The following COLEC10 variants were observed in gnomAD, a reference collection of about 807,000 sequenced individuals.
COLEC10 encodes the protein collectin-10.
Under a neutral mutation model 28.4 loss-of-function variants are expected in COLEC10, and 22 were observed. The observed-to-expected ratio is 0.78, with a 90% confidence interval of 0.55 to 1.11. The LOEUF (loss-of-function observed/expected upper bound fraction) is 1.11, where lower values mean the gene tolerates loss of function less well. Among genes scored for constraint, COLEC10 ranks in the 50% least tolerant of loss-of-function variants. The probability of loss-of-function intolerance (pLI) is 0.00; values close to 1 mark genes in which losing one functional copy is unlikely to be tolerated. For missense variants in COLEC10, 361 were observed against 344.1 expected, an observed-to-expected ratio of 1.05 and a Z score of -0.39; for synonymous variants, 125 against 116.1, an observed-to-expected ratio of 1.08 and a Z score of -0.49.
At position 119,044,116 on chromosome 8, in the gene COLEC10, G is replaced by T. The variant is rs535113232; in HGVS notation, n.235+34563G>T. ...GTGTCCTGTTGTCAGGAGTATTTCAGGTTTACACCTGTTGTGCTTTTGTAA... is the reference window on the plus strand; with the variant it reads ...GTGTCCTGTTGTCAGGAGTATTTCATGTTTACACCTGTTGTGCTTTTGTAA... On this transcript the variant is annotated intron_variant and non_coding_transcript_variant, in intron 2 of 6. Transcript: ENST00000521788. Among the ~76,000 whole-genome samples, 5 of 152,324 alleles carry T rather than the reference G, an allele frequency of 3.3e-5. No homozygotes were observed. The South Asian group carries it at 6.2e-4, about 19-fold the overall frequency.
intron 1 of COLEC10, among the ~76,000 whole-genome samples, chr8:119,004,102 A>T (rs545388726): frequency 6.6e-6 from 1 of 152,204 alleles, no homozygotes; most frequent in African/African-American, 2.4e-5. Flanking sequence ...TCTAGGCTCA[A>T]CCAATGCTTT....
chr8:118,992,693 G>A (rs1247165686), upstream of COLEC10, among the ~76,000 whole-genome samples: 4 of 152,072 alleles, frequency 2.6e-5, no homozygotes, highest in South Asian at 4.1e-4. Context: ...TAGAAACTAT[G>A]ATAAACTACC....
chr8:119,066,929 C>G (rs187240758), upstream of COLEC10, among the ~76,000 whole-genome samples: 1 of 152,308 alleles, frequency 6.6e-6, no homozygotes, highest in Admixed American at 6.5e-5. Context: ...CTTTCTGAAA[C>G]TCAGCGTTTA....
chr8:119,050,491 G>A (rs568758466), intron 2 of COLEC10, among the ~76,000 whole-genome samples: 1 of 152,230 alleles, frequency 6.6e-6, no homozygotes, highest in African/African-American at 2.4e-5. Flanking sequence ...ATGAGAAACA[G>A]CATATACACA....
intron 1 of COLEC10, chr8:119,068,922 A>G (rs1032652473): frequency 1.3e-5 from 2 of 151,810 alleles, no homozygotes; most frequent in African/African-American, 4.8e-5. Flanking sequence ...TCCAAATTTT[A>G]TTTTTAATAA....
At chr8:119,051,884 C>G (rs2130177930) in intron 2 of COLEC10, among the ~76,000 whole-genome samples, 1 of 152,186 alleles carries the variant, frequency 6.6e-6, no homozygotes, top group South Asian at 2.1e-4. Context: ...GGCTTGAATC[C>G]TAGCTCTGCA....
intron 2 of COLEC10, among the ~76,000 whole-genome samples, chr8:119,045,956 T>C (rs1053821097): frequency 2.0e-5 from 3 of 152,208 alleles, no homozygotes; most frequent in African/African-American, 7.2e-5. Context: ...TTATTTCCAA[T>C]GACACATACT....
the COLEC10 span, among the ~76,000 whole-genome samples, chr8:118,960,067 A>C: frequency 1.3e-5 from 2 of 152,142 alleles, no homozygotes; most frequent in Admixed American, 6.5e-5. Context: ...GTGCTTTGAG[A>C]GGCAGATATG....
the COLEC10 span, among the ~76,000 whole-genome samples, chr8:118,955,924 C>T: frequency 1.3e-5 from 2 of 152,214 alleles, no homozygotes; most frequent in Non-Finnish European, 2.9e-5. Flanking sequence ...GAGTTTTAAG[C>T]ATGGGAGTGT....
intron 1 of COLEC10, among the ~76,000 whole-genome samples, chr8:119,084,852 T>G (rs1345693053): frequency 6.6e-6 from 1 of 152,108 alleles, no homozygotes; most frequent in Non-Finnish European, 1.5e-5. Flanking sequence ...TGTGAAAAGT[T>G]TTACAATAAA....
chr8:118,953,130 G>A, the COLEC10 span, among the ~76,000 whole-genome samples: 6 of 152,320 alleles, frequency 3.9e-5, no homozygotes, highest in South Asian at 1.2e-3. Context: ...TCCACCACGA[G>A]TTCAAAGTGG....
chr8:119,016,116 C>G (rs1813986640), intron 2 of COLEC10, among the ~76,000 whole-genome samples: 1 of 152,032 alleles, frequency 6.6e-6, no homozygotes, highest in South Asian at 2.1e-4. Flanking sequence ...ACCTATCAAC[C>G]TGTCATCTAA....
chr8:119,042,403 AATTTATTT>A (rs10568806), intron 2 of COLEC10, among the ~76,000 whole-genome samples: 35 of 150,644 alleles, frequency 2.3e-4, no homozygotes, highest in Admixed American at 3.3e-4. Flanking sequence ...TATTTAACTT[AATTTATTT>A]ATTTATTTAT....
chr8:119,001,727 A>AAAG, intron 1 of COLEC10, among the ~76,000 whole-genome samples: 2 of 152,146 alleles, frequency 1.3e-5, no homozygotes, highest in African/African-American at 4.8e-5. Context: ...ACAAACAAAA[A>AAAG]ACCCCCAGTA....
At chr8:119,040,540 G>A (rs1814476260) in intron 2 of COLEC10, among the ~76,000 whole-genome samples, 1 of 152,278 alleles carries the variant, frequency 6.6e-6, no homozygotes, top group East Asian at 1.9e-4. Flanking sequence ...GGAGGAAAAG[G>A]TAAATGGGAA....
chr8:119,061,729 T>C (rs190919434), intron 2 of COLEC10, among the ~76,000 whole-genome samples: 1 of 151,956 alleles, frequency 6.6e-6, no homozygotes, highest in Admixed American at 6.6e-5. Context: ...AGACATACTA[T>C]ATTAAAATGA....
the COLEC10 span, among the ~76,000 whole-genome samples, chr8:118,990,075 C>T: frequency 5.3e-5 from 8 of 149,912 alleles, no homozygotes; most frequent in Admixed American, 2.0e-4. Flanking sequence ...AAATAGGGTA[C>T]GTAATTTCAA....
In COLEC10 at chr8:119,089,788, A is replaced by G. The variant is rs753621077; in HGVS notation, c.220+37A>G. ...GATGTGAAACTGACATTTTAATATC[A>G]TAATTGTTCTTCTATCTCTCCTGGC... On this transcript the variant is annotated intron_variant, in intron 2 of 5. Coordinates refer to ENST00000332843, the MANE Select transcript of COLEC10 (RefSeq NM_006438.5). 7.1e-6 allele frequency: 11 copies of G among 1,546,130 alleles called. No homozygotes were observed. In the African/African-American group the frequency reaches 1.4e-4, roughly 19 times the overall value.
intron 1 of COLEC10, among the ~76,000 whole-genome samples, chr8:118,996,146 T>C (rs1813585457): frequency 6.6e-6 from 1 of 152,180 alleles, no homozygotes; most frequent in Admixed American, 6.5e-5. Context: ...TTTGTTCTTG[T>C]TTGGCTTATT....
Sources: gnomAD v4.1 joint callset for allele counts (sites outside exome capture counted in the v4.1 genomes callset) on GRCh38, gnomAD v4.1.1 for gene constraint, MANE v1.5 for transcripts, NCBI Gene and HGNC (gene_info 2026-07-23, HGNC 2026-07-21) for gene names.